Variants in MYO18B observed in about 807,000 individuals in gnomAD.
The protein encoded by MYO18B is myosin XVIIIB.
MYO18B carries 204 observed loss-of-function variants against 273.0 expected under a neutral mutation model. The observed-to-expected ratio is 0.75, with a 90% CI of 0.67 to 0.84. The LOEUF (loss-of-function observed/expected upper bound fraction) is 0.84. Ranked by LOEUF, MYO18B falls within the 40% of genes least tolerant of loss-of-function variation. The pLI is 0.00. For synonymous variants in MYO18B, 1,330 were observed against 1,305.7 expected (o/e 1.02, Z -0.40); for missense variants, 3,212 against 3,287.6 (o/e 0.98, Z 0.56).
At chr22:26,061,157 C>T in the MYO18B span, among the ~76,000 whole-genome samples, 1 of 152,218 alleles carries the variant, frequency 6.6e-6, no homozygotes, top group African/African-American at 2.4e-5. Context: ...TGTCCTTTGA[C>T]CCTCCAGCCA....
rs1569224982 is a variant in MYO18B at position 25,948,439 on chromosome 22, C to CTTTCT, written c.5748+613_5748+614insTCTTT. On this transcript the variant is annotated intron_variant, in intron 36 of 43. Coordinates refer to ENST00000335473, the MANE Select transcript of MYO18B (RefSeq NM_032608.7). ...CCTTCCTTCCTTCCTTCCTTCCTTC[C>CTTTCT]TTCCTTCCTTCCTTCCTTCCTTCTT... is the stretch of plus-strand genomic sequence containing the variant. 1.8e-3 allele frequency among the ~76,000 whole-genome samples: 189 copies of CTTTCT among 106,330 alleles called. 2 individuals are homozygous for CTTTCT. Among genetic ancestry groups the CTTTCT allele is most frequent in the African/African-American group, 6.5e-3 (158 of 24,394 alleles). 69.8% of individuals were successfully genotyped at this position (106,330 alleles called of 152,430 possible). A position where few individuals can be genotyped will look rare whatever the true frequency, so the allele number is the denominator to read the frequency against.
chr22:25,852,910 T>C (rs1458442100), intron 21 of MYO18B, among the ~76,000 whole-genome samples: 1 of 152,158 alleles, frequency 6.6e-6, no homozygotes, highest in Non-Finnish European at 1.5e-5. Context: ...AGAAAATACA[T>C]AGGGGATCCA....
Position 25,753,231 on chromosome 22 carries a change from G to GA in MYO18B, c.-109-7753_-109-7752insA, listed in dbSNP as rs2085996651. 9.9e-5 allele frequency among the ~76,000 whole-genome samples: 15 copies of GA among 152,268 alleles called. No individual in the cohort carries two copies. In the South Asian group the frequency reaches 3.1e-3, roughly 32 times the overall value. ...CCAGCTGGCCTCCCGGTCGGCAGGG[G>GA]CGGGTGTGGGGGGGGCGGGGGTTGC... is the stretch of plus-strand genomic sequence containing the variant. On this transcript the variant is annotated intron_variant, in intron 1 of 43. Coordinates refer to ENST00000335473, the MANE Select transcript of MYO18B (RefSeq NM_032608.7).
intron 12 of MYO18B, among the ~76,000 whole-genome samples, chr22:25,808,919 C>T (rs2088607602): frequency 6.6e-6 from 1 of 152,066 alleles, no homozygotes; most frequent in Non-Finnish European, 1.5e-5. Flanking sequence ...GGAGAGTTTT[C>T]CCCAGCAACT....
At chr22:25,865,015 T>C (rs1353250997) in intron 21 of MYO18B, among the ~76,000 whole-genome samples, 1 of 152,250 alleles carries the variant, frequency 6.6e-6, no homozygotes, top group Non-Finnish European at 1.5e-5. Flanking sequence ...TTGAACTAAA[T>C]GAAGTGATTG....
chr22:25,910,795 A>C (rs2092141546), intron 32 of MYO18B, 151 bp from the exon 33 acceptor site: 1 of 630,584 alleles, frequency 1.6e-6, no homozygotes, highest in Non-Finnish European at 2.8e-6. Flanking sequence ...AAATTCTCCC[A>C]CAGAGACACT....
At chr22:25,956,240 G>C (rs1369059840) in intron 39 of MYO18B, among the ~76,000 whole-genome samples, 2 of 148,758 alleles carry the variant, frequency 1.3e-5, no homozygotes, top group Non-Finnish European at 3.0e-5. Flanking sequence ...CCTGGAGACA[G>C]AGTCTTGCAC....
rs78240879 is a variant in MYO18B, at chr22:25,963,683, G to A, written c.6156+8319G>A. Among the ~76,000 whole-genome samples the A allele has an allele frequency of 1.3e-3, 190 of 151,308 alleles. 1 individual carries two copies. Among genetic ancestry groups the A allele is most frequent in the Admixed American group, 3.8e-3 (58 of 15,176 alleles). On this transcript the variant is annotated intron_variant, in intron 39 of 43. Transcript: ENST00000335473. ...ATACGGTGGTTGAAAAGAGCATTGC[G>A]CTTGGAGTCTGATACCTCAGACAGC...
chr22:25,783,677 G>A (rs547428933), intron 10 of MYO18B, among the ~76,000 whole-genome samples: 10 of 152,332 alleles, frequency 6.6e-5, no homozygotes, highest in Admixed American at 1.3e-4. Context: ...GCTAGCAGAG[G>A]ATGCCAGACG....
intron 39 of MYO18B, among the ~76,000 whole-genome samples, chr22:25,961,422 GC>G (rs1256216959): frequency 6.6e-6 from 1 of 152,132 alleles, no homozygotes; most frequent in East Asian, 1.9e-4. Context: ...GTTGAGGACT[GC>G]TGTAGTTTGA....
At chr22:25,894,353 G>A (rs2091744940) in intron 27 of MYO18B, among the ~76,000 whole-genome samples, 1 of 152,174 alleles carries the variant, frequency 6.6e-6, no homozygotes, top group African/African-American at 2.4e-5. Flanking sequence ...AGATGAATAA[G>A]TGGGTGGTCT....
intron 25 of MYO18B, among the ~76,000 whole-genome samples, chr22:25,879,490 T>C (rs542343635): frequency 6.6e-6 from 1 of 152,296 alleles, no homozygotes; most frequent in South Asian, 2.1e-4. Context: ...GTCATGTGAC[T>C]GGAGAAGGTT....
chr22:26,024,216 CATTT>C (rs1393009795), intron 42 of MYO18B, among the ~76,000 whole-genome samples: 31 of 152,074 alleles, frequency 2.0e-4, no homozygotes, highest in African/African-American at 7.2e-4. Context: ...GATTAATAAC[CATTT>C]ATTATTGGTT....
chr22:25,787,040 C>G (rs1460362645), intron 11 of MYO18B, among the ~76,000 whole-genome samples: 2 of 152,002 alleles, frequency 1.3e-5, no homozygotes, highest in South Asian at 2.1e-4. Context: ...ATGGTGAAAC[C>G]CCATCTCTAC....
chr22:25,781,464 G>A (rs2087146782), intron 9 of MYO18B, among the ~76,000 whole-genome samples: 1 of 152,130 alleles, frequency 6.6e-6, no homozygotes, highest in South Asian at 2.1e-4. Context: ...AAAAAAATTA[G>A]CCGGGCGTGG....
chr22:25,972,112 C>CAA (rs796261961), intron 39 of MYO18B, among the ~76,000 whole-genome samples: 2 of 130,618 alleles, frequency 1.5e-5, no homozygotes, highest in Non-Finnish European at 3.3e-5. Context: ...GAGACTGTCT[C>CAA]AAAAAAAAAA....
chr22:25,772,542 G>A, intron 7 of MYO18B, 32 bp downstream of exon 7: 1 of 1,598,964 alleles, frequency 6.3e-7, no homozygotes. Context: ...CAGGGCTGAG[G>A]GGCTGAGGGC....
intron 25 of MYO18B, among the ~76,000 whole-genome samples, chr22:25,881,961 G>A (rs1447702769): frequency 1.3e-5 from 2 of 152,160 alleles, no homozygotes; most frequent in African/African-American, 4.8e-5. Flanking sequence ...CACATGTGCT[G>A]TTCACTCTGC....
chr22:25,799,490 A>C (rs1045261825), intron 12 of MYO18B, among the ~76,000 whole-genome samples: 1 of 152,148 alleles, frequency 6.6e-6, no homozygotes, highest in African/African-American at 2.4e-5. Context: ...AGCTCTTATC[A>C]GTGGCTGGTG....
Sources: gnomAD v4.1 joint callset for allele counts (sites outside exome capture counted in the v4.1 genomes callset) on GRCh38, gnomAD v4.1.1 for gene constraint, MANE v1.5 for transcripts, NCBI Gene and HGNC (gene_info 2026-07-23, HGNC 2026-07-21) for gene names.